Variants in INTS6 observed in about 807,000 individuals in gnomAD.
INTS6 encodes DEAD box protein.
A neutral mutation model predicts 104.9 loss-of-function variants in INTS6; 16 were observed. The ratio of observed to expected loss-of-function variants is 0.15; its 90% confidence interval spans 0.10 to 0.23. The LOEUF (loss-of-function observed/expected upper bound fraction) is 0.23. Among genes scored for constraint, INTS6 ranks in the 10% least tolerant of loss-of-function variants. INTS6 has a pLI of 1.00. For missense variants in INTS6, 584 were observed against 1,062.8 expected, an observed-to-expected ratio of 0.55 and a Z score of 6.26; for synonymous variants, 324 against 358.7, an observed-to-expected ratio of 0.90 and a Z score of 1.09.
downstream of INTS6, among the ~76,000 whole-genome samples, chr13:51,357,545 C>G (rs1955498833): frequency 6.6e-6 from 1 of 152,120 alleles, no homozygotes; most frequent in South Asian, 2.1e-4. Flanking sequence ...TCATTTTACT[C>G]AAATTCTCTT....
At chr13:51,342,097 C>G in the INTS6 span, among the ~76,000 whole-genome samples, 1 of 149,520 alleles carries the variant, frequency 6.7e-6, no homozygotes, top group Non-Finnish European at 1.5e-5. Flanking sequence ...ACCAATCTAC[C>G]AACTCCAGCT....
intron 4 of INTS6, among the ~76,000 whole-genome samples, chr13:51,397,562 T>C (rs1956361069): frequency 6.6e-6 from 1 of 152,176 alleles, no homozygotes; most frequent in African/African-American, 2.4e-5. Flanking sequence ...TTGCTGCTAT[T>C]ACCACACCCT....
chr13:51,393,537 A>C (rs1190568524), intron 5 of INTS6, among the ~76,000 whole-genome samples: 2 of 152,234 alleles, frequency 1.3e-5, no homozygotes, highest in South Asian at 4.1e-4. Context: ...GAAAGGAAAC[A>C]CATTATTCAG....
intron 4 of INTS6, among the ~76,000 whole-genome samples, chr13:51,419,507 T>A (rs2138063427): frequency 6.6e-6 from 1 of 152,360 alleles, no homozygotes; most frequent in South Asian, 2.1e-4. Flanking sequence ...TGTCTTTGCA[T>A]ACATCTACTT....
rs151197136 is a variant in INTS6, at chr13:51,414,833, TACACACAC to T, written c.429+15453_429+15460del. 5.7e-4 allele frequency among the ~76,000 whole-genome samples: 82 copies of T among 143,046 alleles called. 1 individual carries two copies. The highest frequency in any genetic ancestry group is 1.3e-3 in the African/African-American group (51 of 38,132). 93.8% of individuals were successfully genotyped at this position (143,046 alleles called of 152,430 possible). On this transcript the variant is annotated intron_variant, in intron 4 of 17. Transcript: ENST00000311234. ...TATATGTATGTATGTAGTTCTTCTA[TACACACAC>T]ACACACACACACACACACACACACA...
chr13:51,411,214 AAAATAAAT>A (rs71085083), intron 4 of INTS6, among the ~76,000 whole-genome samples: 409 of 143,062 alleles, frequency 2.9e-3, no homozygotes, highest in South Asian at 3.7e-3. Flanking sequence ...CTTTGTCTCA[AAAATAAAT>A]AAATAAATAA....
rs1044130657 is a variant in INTS6, at chr13:51,452,669, G to T, written c.-144C>A. The T allele has an allele frequency of 7.0e-7, 1 of 1,423,772 alleles. No homozygotes were observed. Among genetic ancestry groups the T allele is most frequent in the Non-Finnish European group, 9.2e-7 (1 of 1,089,014 alleles). 88.2% of individuals were successfully genotyped at this position (1,423,772 alleles called of 1,614,324 possible). On this transcript the variant is annotated 5_prime_UTR_variant, in exon 1 of 18. Coordinates refer to ENST00000311234, the MANE Select transcript of INTS6 (RefSeq NM_012141.3). This position sits in a 1 kb window ranked among gnomAD's most constrained non-coding sequence, Gnocchi z 4.2. ...AAAACACTGTCTGGGTCTTTCCTCC[G>T]GCTGCGGGGAGTTTCTCCCCCGATA...
At chr13:51,340,073 G>C in the INTS6 span, among the ~76,000 whole-genome samples, 27 of 152,340 alleles carry the variant, frequency 1.8e-4, no homozygotes, top group African/African-American at 5.8e-4. Context: ...ATCGTGCTCA[G>C]TGGCCTTGCT....
intron 4 of INTS6, among the ~76,000 whole-genome samples, chr13:51,412,087 T>C (rs2138036391): frequency 6.6e-6 from 1 of 152,318 alleles, no homozygotes; most frequent in Non-Finnish European, 1.5e-5. Context: ...GTCCACTGTA[T>C]AATTCCAAAT....
intron 3 of INTS6, chr13:51,446,310 T>C (rs1764243023): frequency 6.6e-6 from 1 of 152,170 alleles, no homozygotes; most frequent in Non-Finnish European, 1.5e-5. Flanking sequence ...TGTTGATGCT[T>C]AACATAAATA....
chr13:51,438,900 C>T (rs1044341962), intron 3 of INTS6: 3 of 152,192 alleles, frequency 2.0e-5, no homozygotes, highest in Non-Finnish European at 4.4e-5. Context: ...CACTTGCAGC[C>T]TGACCTTTCA....
chr13:51,347,029 G>C, the INTS6 span: 2 of 1,576,544 alleles, frequency 1.3e-6, no homozygotes, highest in Non-Finnish European at 1.7e-6. Context: ...TTGCAGGTGG[G>C]GGCCCCAGTG....
At position 51,374,634 on chromosome 13, in the gene INTS6, A is replaced by C. The variant is rs1024524736; in HGVS notation, c.1872+20T>G. 2 of 1,612,200 alleles carry C rather than the reference A, an allele frequency of 1.2e-6. No individual in the cohort carries two copies. The highest frequency in any genetic ancestry group is 4.5e-5 in the East Asian group (2 of 44,820). ...GTGCCTACCATAAACAAATTACATAATAGAACATTTCAAAATTACCTTCTT... is the reference window on the plus strand; with the variant it reads ...GTGCCTACCATAAACAAATTACATACTAGAACATTTCAAAATTACCTTCTT... On this transcript the variant is annotated intron_variant, in intron 14 of 17. Transcript: ENST00000311234.
chr13:51,434,577 A>G, intron 3 of INTS6, among the ~76,000 whole-genome samples: 1 of 152,160 alleles, frequency 6.6e-6, no homozygotes, highest in African/African-American at 2.4e-5. Context: ...TAGAATAATG[A>G]TTAAGTTAAT....
At chr13:51,352,957 T>G (rs1176116265), downstream of INTS6, among the ~76,000 whole-genome samples, 1 of 152,206 alleles carries the variant, frequency 6.6e-6, no homozygotes, top group Non-Finnish European at 1.5e-5. Flanking sequence ...AAATCCCACT[T>G]TGTCATGGTG....
chr13:51,374,458 C>A lies in INTS6; in HGVS notation c.1873-19G>T. On this transcript the variant is annotated intron_variant, in intron 14 of 17. Transcript: ENST00000311234. ...TCATACCCTTTAGCAAAAAAGAATACAACTTTCTTGAATTTACAAACAATG... is the reference window on the plus strand; with the variant it reads ...TCATACCCTTTAGCAAAAAAGAATAAAACTTTCTTGAATTTACAAACAATG... 6.6e-7 allele frequency: 1 copy of A among 1,512,094 alleles called. No homozygotes were observed. Among genetic ancestry groups the A allele is most frequent in the South Asian group, 1.1e-5 (1 of 89,664 alleles). The allele number at this position is 1,512,094 out of a possible 1,614,324, so 93.7% of individuals were successfully genotyped here.
chr13:51,434,587 T>C (rs553108709), intron 3 of INTS6, among the ~76,000 whole-genome samples: 1 of 152,214 alleles, frequency 6.6e-6, no homozygotes, highest in South Asian at 2.1e-4. Context: ...ATTAAGTTAA[T>C]GTAATTTATA....
the INTS6 span, among the ~76,000 whole-genome samples, chr13:51,348,861 A>T: frequency 2.0e-5 from 1 of 50,792 alleles, no homozygotes; most frequent in Non-Finnish European, 3.3e-5. Flanking sequence ...AGTACAGATA[A>T]AATTCTGATC....
At chr13:51,414,379 G>A (rs1956744634) in intron 4 of INTS6, among the ~76,000 whole-genome samples, 1 of 152,190 alleles carries the variant, frequency 6.6e-6, no homozygotes, top group Non-Finnish European at 1.5e-5. Flanking sequence ...CTTGCCAGAA[G>A]CTTTTCAGAA....
Sources: gnomAD v4.1 joint callset for allele counts (sites outside exome capture counted in the v4.1 genomes callset) on GRCh38, gnomAD v4.1.1 for gene constraint, Gnocchi (gnomAD v3.1) non-coding constraint, MANE v1.5 for transcripts, NCBI Gene and HGNC (gene_info 2026-07-23, HGNC 2026-07-21) for gene names.